The following CDH13 variants were observed in gnomAD, a reference collection of about 807,000 sequenced individuals.
CDH13 encodes the protein cadherin-13.
Under a neutral mutation model 63.8 loss-of-function variants are expected in CDH13, and 24 were observed. The ratio of observed to expected loss-of-function variants is 0.38; its 90% CI spans 0.27 to 0.53. The LOEUF is 0.53. CDH13 is among the 20% of genes least tolerant of loss of function. CDH13 has a pLI of 0.85. For synonymous variants in CDH13, 503 were observed against 355.3 expected, an observed-to-expected ratio of 1.42 and a Z score of -4.67; for missense variants, 1,049 against 903.1, an observed-to-expected ratio of 1.16 and a Z score of -2.07.
rs57586630 is a variant in CDH13 at position 83,570,946 on chromosome 16, C to CATATATATATATATAT, written c.961-31498_961-31483dup. Among the ~76,000 whole-genome samples, 156 of 109,990 alleles carry CATATATATATATATAT rather than the reference C, an allele frequency of 1.4e-3. 1 individual carries two copies. Among genetic ancestry groups the CATATATATATATATAT allele is most frequent in the African/African-American group, 4.0e-3 (129 of 31,922 alleles). 72.2% of individuals were successfully genotyped at this position (109,990 alleles called of 152,430 possible). On this transcript the variant is annotated intron_variant, in intron 7 of 13. Transcript: ENST00000567109. The stretch of plus-strand genomic sequence containing the variant: ...TACATTCATATATTTATAACTCATC[C>CATATATATATATATAT]ATATATATATATATATATATATATA...
intron 7 of CDH13, among the ~76,000 whole-genome samples, chr16:83,528,250 C>T (rs1203719008): frequency 6.6e-6 from 1 of 152,240 alleles, no homozygotes; most frequent in African/African-American, 2.4e-5. Context: ...AACACTATAA[C>T]TGGCTATTTG....
chr16:83,277,650 C>A (rs543626909), intron 5 of CDH13, among the ~76,000 whole-genome samples: 6 of 152,162 alleles, frequency 3.9e-5, no homozygotes, highest in Non-Finnish European at 5.9e-5. Context: ...TGGTGTACAT[C>A]ATTGAACCAG....
chr16:82,865,666 C>T lies in CDH13; in HGVS notation c.157+7193C>T, dbSNP rs1030262743. 3.3e-5 allele frequency among the ~76,000 whole-genome samples: 5 copies of T among 152,206 alleles called. No individual in the cohort carries two copies. The East Asian group carries it at 7.7e-4, about 23-fold the overall frequency. Reference sequence around the variant, plus strand: ...CAGGGCCTGTGATGGGAAGGGCTGCCTTGAAGACCTCTGAGATGCCCTGGA... The same window carrying T: ...CAGGGCCTGTGATGGGAAGGGCTGCTTTGAAGACCTCTGAGATGCCCTGGA... On this transcript the variant is annotated intron_variant, in intron 2 of 13. Transcript: ENST00000567109.
chr16:83,310,577 G>C (rs963035813), intron 5 of CDH13, among the ~76,000 whole-genome samples: 3 of 152,146 alleles, frequency 2.0e-5, no homozygotes, highest in Admixed American at 1.3e-4. Flanking sequence ...TTGCCTTTTA[G>C]GTCCTTCACA....
At chr16:82,932,624 G>C (rs2042536319) in intron 2 of CDH13, among the ~76,000 whole-genome samples, 1 of 152,134 alleles carries the variant, frequency 6.6e-6, no homozygotes, top group South Asian at 2.1e-4. Flanking sequence ...GAAAAAATGT[G>C]TTTTTTCTCA....
chr16:83,351,730 A>T (rs1176001078), intron 6 of CDH13, among the ~76,000 whole-genome samples: 1 of 152,210 alleles, frequency 6.6e-6, no homozygotes, highest in African/African-American at 2.4e-5. Flanking sequence ...GGATATATTT[A>T]CATGAGCTGG....
At chr16:82,656,543 C>T (rs1388774492) in intron 1 of CDH13, among the ~76,000 whole-genome samples, 1 of 152,174 alleles carries the variant, frequency 6.6e-6, no homozygotes, top group Non-Finnish European at 1.5e-5. Context: ...CAGAATGGTA[C>T]ATTTGTTACA....
chr16:82,821,364 G>A (rs1285082003), intron 1 of CDH13, among the ~76,000 whole-genome samples: 1 of 152,192 alleles, frequency 6.6e-6, no homozygotes, highest in Non-Finnish European at 1.5e-5. Flanking sequence ...TTATACTAAT[G>A]AGACGATTCG....
intron 6 of CDH13, among the ~76,000 whole-genome samples, chr16:83,459,757 G>T (rs893717120): frequency 6.6e-6 from 1 of 152,214 alleles, no homozygotes; most frequent in African/African-American, 2.4e-5. Flanking sequence ...ACTGCATAAG[G>T]AGGTGAAAGG....
At chr16:82,848,586 TG>T (rs2039359563) in intron 1 of CDH13, among the ~76,000 whole-genome samples, 1 of 142,488 alleles carries the variant, frequency 7.0e-6, no homozygotes. Context: ...TTTTTTTGGG[TG>T]GGGGGAGGCA....
rs1904285237 is a variant in CDH13, at chr16:83,797,061, C to T, written c.*2031C>T. The T allele has an allele frequency of 2.0e-5, 3 of 152,384 alleles. No homozygotes were observed. In the South Asian group the frequency reaches 6.2e-4, roughly 32 times the overall value. 9.4% of individuals were successfully genotyped at this position (152,384 alleles called of 1,614,324 possible). A position where few individuals can be genotyped will look rare whatever the true frequency, so the allele number is the denominator to read the frequency against. On this transcript the variant is annotated 3_prime_UTR_variant, in exon 14 of 14. Coordinates refer to ENST00000567109, the MANE Select transcript of CDH13 (RefSeq NM_001257.5). ...GTGCATTCACACTCCACAAGATTTC[C>T]TCTACTGGCTTTACAGGGCACTGTC...
intron 5 of CDH13, among the ~76,000 whole-genome samples, chr16:83,233,041 T>A (rs765608277): frequency 6.6e-5 from 10 of 152,182 alleles, no homozygotes; most frequent in Non-Finnish European, 1.3e-4. Context: ...TGGAGGTCAG[T>A]GTGAACCCCC....
intron 10 of CDH13, among the ~76,000 whole-genome samples, chr16:83,685,548 C>G (rs1360603708): frequency 2.0e-5 from 3 of 152,176 alleles, no homozygotes; most frequent in Non-Finnish European, 4.4e-5. Flanking sequence ...TGTAAATTCA[C>G]TGGTGAAAGA....
intron 1 of CDH13, among the ~76,000 whole-genome samples, chr16:82,657,084 C>G (rs1216784636): frequency 6.6e-6 from 1 of 152,078 alleles, no homozygotes; most frequent in Non-Finnish European, 1.5e-5. Context: ...TGTATATATA[C>G]AGTAGTTCCC....
intron 10 of CDH13, among the ~76,000 whole-genome samples, chr16:83,741,801 TGGGCC>T (rs1912089532): frequency 6.9e-6 from 1 of 144,676 alleles, no homozygotes; most frequent in South Asian, 2.1e-4. Flanking sequence ...CCCCAACCCC[TGGGCC>T]ACGGACGGCC....
At chr16:83,729,983 G>A (rs1227630133) in intron 10 of CDH13, among the ~76,000 whole-genome samples, 5 of 152,200 alleles carry the variant, frequency 3.3e-5, no homozygotes, top group African/African-American at 9.7e-5. Flanking sequence ...AGGGGGCAGC[G>A]AGCCTGCCAC....
intron 11 of CDH13, among the ~76,000 whole-genome samples, chr16:83,756,090 C>T (rs1055385390): frequency 6.6e-6 from 1 of 151,914 alleles, no homozygotes. Flanking sequence ...ATTGTATAAC[C>T]CTTAGGGTAA....
chr16:83,555,607 A>T (rs1425558153), intron 7 of CDH13, among the ~76,000 whole-genome samples: 1 of 152,248 alleles, frequency 6.6e-6, no homozygotes, highest in Admixed American at 6.5e-5. Context: ...ATGATGTGTG[A>T]TACTTAGCAT....
intron 6 of CDH13, among the ~76,000 whole-genome samples, chr16:83,434,859 G>A (rs1048907094): frequency 4.0e-4 from 28 of 69,710 alleles, no homozygotes; most frequent in African/African-American, 2.6e-3. Flanking sequence ...GTGTGTGCGT[G>A]TGTGTGTGTG....
Sources: allele counts gnomAD v4.1 joint callset (sites outside exome capture counted in the v4.1 genomes callset), GRCh38; gene constraint gnomAD v4.1.1; transcripts MANE v1.5; gene names NCBI Gene and HGNC (gene_info 2026-07-23, HGNC 2026-07-21).